MYO1B: variants seen among roughly 807,000 people sequenced by gnomAD.
MYO1B encodes the protein unconventional myosin-Ib.
A neutral mutation model predicts 159.7 loss-of-function variants in MYO1B; 72 were observed. That is an observed-to-expected ratio of 0.45 (90% CI 0.37 to 0.55). The LOEUF (loss-of-function observed/expected upper bound fraction) is 0.55. Ranked by LOEUF, MYO1B falls within the 20% of genes least tolerant of loss-of-function variation. The pLI is 0.00. For missense variants in MYO1B, 1,062 were observed against 1,364.8 expected, an observed-to-expected ratio of 0.78 and a Z score of 3.50; for synonymous variants, 468 against 473.8, an observed-to-expected ratio of 0.99 and a Z score of 0.16.
At chr2:191,273,413 G>A (rs779072204) in intron 1 of MYO1B, among the ~76,000 whole-genome samples, 4 of 152,066 alleles carry the variant, frequency 2.6e-5, no homozygotes, top group African/African-American at 2.4e-5. Flanking sequence ...GTGAGCCACC[G>A]CGCCTGGCCA....
chr2:191,258,786 G>C (rs2125682226), intron 1 of MYO1B, among the ~76,000 whole-genome samples: 1 of 152,320 alleles, frequency 6.6e-6, no homozygotes, highest in Non-Finnish European at 1.5e-5. Flanking sequence ...TATGGCATGA[G>C]CATGGAACAC....
chr2:191,341,537 G>C lies in MYO1B; in HGVS notation c.423G>C (p.Gln141His), dbSNP rs1692221767. The C allele has an allele frequency of 1.2e-6, 2 of 1,613,826 alleles. No homozygotes were observed. Among genetic ancestry groups the C allele is most frequent in the African/African-American group, 2.7e-5 (2 of 74,902 alleles). ...CAGAAGTTAATCAAGTTAAAGAACAGCTTTTACAGTCCAACCCGGTCCTGG... is the reference window on the plus strand; with the variant it reads ...CAGAAGTTAATCAAGTTAAAGAACACCTTTTACAGTCCAACCCGGTCCTGG... ...KGAEVNQVKE[Q>H]LLQSNPVLEA... Residue 141 changes from glutamine (Q) to histidine (H), a missense_variant, in exon 5 of 31, where the codon CAG becomes CAC. By Grantham distance (24) the Gln-to-His change is conservative. Transcript: ENST00000392318.
chr2:191,273,952 T>G (rs1687606412), intron 1 of MYO1B, among the ~76,000 whole-genome samples: 2 of 152,162 alleles, frequency 1.3e-5, no homozygotes. Context: ...CATGAACTAA[T>G]TTCATTGACA....
intron 3 of MYO1B, among the ~76,000 whole-genome samples, chr2:191,329,640 A>T (rs1386103797): frequency 2.7e-5 from 4 of 147,734 alleles, no homozygotes; most frequent in Non-Finnish European, 4.5e-5. Flanking sequence ...AAATAAATTT[A>T]TATAAATTAT....
At chr2:191,407,725 A>T (rs1435757674) in intron 24 of MYO1B, 1 of 153,556 alleles carries the variant, frequency 6.5e-6, no homozygotes, top group African/African-American at 2.4e-5. Context: ...GGAAACTGAT[A>T]CAGTTCTTCA....
chr2:191,262,955 C>G (rs1040881003), intron 1 of MYO1B: 2 of 152,108 alleles, frequency 1.3e-5, no homozygotes, highest in Non-Finnish European at 2.9e-5. Flanking sequence ...AATCGCCTGC[C>G]CTATATGAAC....
chr2:191,318,795 G>T (rs1378942817), intron 3 of MYO1B, among the ~76,000 whole-genome samples: 1 of 152,226 alleles, frequency 6.6e-6, no homozygotes, highest in Non-Finnish European at 1.5e-5. Flanking sequence ...GCATTTGGAT[G>T]TGTTCTGAAG....
intron 4 of MYO1B, among the ~76,000 whole-genome samples, chr2:191,331,357 G>T (rs1197149453): frequency 6.6e-6 from 1 of 152,122 alleles, no homozygotes; most frequent in Non-Finnish European, 1.5e-5. Flanking sequence ...TTGAAGTGAT[G>T]AAGTCTCACC....
intron 2 of MYO1B, among the ~76,000 whole-genome samples, chr2:191,282,132 C>A (rs1688098769): frequency 6.6e-6 from 1 of 152,142 alleles, no homozygotes; most frequent in Admixed American, 6.5e-5. Context: ...ATGAAAATCC[C>A]ACCTCATGGG....
chr2:191,350,806 TAAA>T (rs766542565), intron 7 of MYO1B, among the ~76,000 whole-genome samples: 1 of 127,300 alleles, frequency 7.9e-6, no homozygotes, highest in Non-Finnish European at 1.7e-5. Flanking sequence ...TGTGAAAAGT[TAAA>T]AAAAAAAAAC....
At chr2:191,356,131 A>G (rs1436259421) in intron 7 of MYO1B, among the ~76,000 whole-genome samples, 1 of 152,140 alleles carries the variant, frequency 6.6e-6, no homozygotes, top group Non-Finnish European at 1.5e-5. Context: ...TGCCTGTTAG[A>G]ACACTTCCTA....
intron 4 of MYO1B, among the ~76,000 whole-genome samples, chr2:191,331,214 G>A (rs1050336085): frequency 6.6e-6 from 1 of 152,124 alleles, no homozygotes; most frequent in Non-Finnish European, 1.5e-5. Context: ...GCTCTAGGTG[G>A]TCAGAAATGA....
At chr2:191,412,535 C>T (rs536408778) in intron 27 of MYO1B, among the ~76,000 whole-genome samples, 1 of 152,206 alleles carries the variant, frequency 6.6e-6, no homozygotes, top group Non-Finnish European at 1.5e-5. Flanking sequence ...TTTAGCCTCC[C>T]ACCACCCTGC....
intron 3 of MYO1B, among the ~76,000 whole-genome samples, chr2:191,313,794 C>T (rs1044323869): frequency 1.3e-5 from 2 of 152,158 alleles, no homozygotes; most frequent in Non-Finnish European, 2.9e-5. Flanking sequence ...GCTGAGATTA[C>T]AGATGTGATC....
At chr2:191,375,350 C>T (rs1002938417) in intron 13 of MYO1B, among the ~76,000 whole-genome samples, 2 of 152,184 alleles carry the variant, frequency 1.3e-5, no homozygotes, top group Admixed American at 6.5e-5. Context: ...TCAGCACCTT[C>T]TACTCTAGTT....
At chr2:191,299,499 T>C (rs1486245588) in intron 3 of MYO1B, among the ~76,000 whole-genome samples, 1 of 152,200 alleles carries the variant, frequency 6.6e-6, no homozygotes, top group Non-Finnish European at 1.5e-5. Context: ...CTTTTCCCTC[T>C]TTCTCCAAAG....
At chr2:191,416,738 C>T (rs1175408341) in intron 30 of MYO1B, among the ~76,000 whole-genome samples, 2 of 151,764 alleles carry the variant, frequency 1.3e-5, no homozygotes, top group African/African-American at 4.8e-5. Context: ...CTCTTGAACC[C>T]GGGAGGCGGA....
In MYO1B at chr2:191,414,033, A is replaced by T. The variant is rs1282609155; in HGVS notation, c.2874-15A>T. 4 of 1,583,624 alleles carry T rather than the reference A, an allele frequency of 2.5e-6. No homozygotes were observed. The highest frequency in any genetic ancestry group is 2.2e-5 in the East Asian group (1 of 44,508). On this transcript the variant is annotated splice_polypyrimidine_tract_variant and intron_variant, in intron 27 of 30. Coordinates refer to ENST00000392318, the MANE Select transcript of MYO1B (RefSeq NM_001130158.3). ...TTGAAACTATTTCTAATGTGCAGGA[A>T]TTTTTTTCCTTTAGTGTTGGGCAAC...
At chr2:191,400,631 C>G (rs1457333096) in intron 22 of MYO1B, 118 bp from the exon 23 acceptor site, 129 of 1,343,730 alleles carry the variant, frequency 9.6e-5, no homozygotes, top group Non-Finnish European at 1.3e-4. Context: ...GTGGCACATG[C>G]TTTTGCGTTT....
Sources: allele counts gnomAD v4.1 joint callset (sites outside exome capture counted in the v4.1 genomes callset), GRCh38; gene constraint gnomAD v4.1.1; transcripts MANE v1.5; gene names NCBI Gene and HGNC (gene_info 2026-07-23, HGNC 2026-07-21).